Variants in STRBP observed in about 807,000 individuals in gnomAD.
The protein encoded by STRBP is spermatid perinuclear RNA binding protein, also known as spermatid perinuclear RNA-binding protein.
STRBP carries 13 observed loss-of-function variants against 80.1 expected under a neutral mutation model. The observed-to-expected ratio is 0.16, with a 90% CI of 0.11 to 0.26. STRBP has a LOEUF of 0.26. Among genes scored for constraint, STRBP ranks in the 10% least tolerant of loss-of-function variants. The pLI is 1.00. For missense variants in STRBP, 485 were observed against 815.2 expected, an observed-to-expected ratio of 0.59 and a Z score of 4.93; for synonymous variants, 284 against 291.2, an observed-to-expected ratio of 0.98 and a Z score of 0.25.
At chr9:123,228,048 G>A (rs2040294426) in intron 2 of STRBP, among the ~76,000 whole-genome samples, 1 of 152,194 alleles carries the variant, frequency 6.6e-6, no homozygotes, top group Admixed American at 6.5e-5. Flanking sequence ...ATTTTAAGGT[G>A]AGGTCAACGA....
chr9:123,193,742 C>T (rs2039003005), intron 2 of STRBP, among the ~76,000 whole-genome samples: 1 of 151,992 alleles, frequency 6.6e-6, no homozygotes, highest in South Asian at 2.1e-4. Context: ...TGTCCTTATC[C>T]AACCGAAATT....
chr9:123,179,283 A>G (rs916612408), intron 3 of STRBP, 56 bp from the exon 4 acceptor site: 1 of 1,460,634 alleles, frequency 6.8e-7, no homozygotes, highest in Non-Finnish European at 9.5e-7. Context: ...CACCTGAAAA[A>G]GATGATATAC....
At chr9:123,257,319 T>C (rs2041054402) in intron 1 of STRBP, among the ~76,000 whole-genome samples, 1 of 152,166 alleles carries the variant, frequency 6.6e-6, no homozygotes, top group Non-Finnish European at 1.5e-5. Context: ...ACACCCTCGC[T>C]GAAATCGCTC....
At chr9:123,111,675 C>G (rs1046055153) in intron 3 of STRBP, 8 of 464,604 alleles carry the variant, frequency 1.7e-5, no homozygotes, top group African/African-American at 1.6e-4. Flanking sequence ...CCTGGCACTG[C>G]AGCCAGGGAC....
chr9:123,181,020 A>C, intron 3 of STRBP: 1 of 721,434 alleles, frequency 1.4e-6, no homozygotes, highest in Non-Finnish European at 1.7e-6. Context: ...GTAAATTAAC[A>C]CTATAGTGTC....
At chr9:123,145,416 C>T (rs1197285674) in intron 13 of STRBP, among the ~76,000 whole-genome samples, 2 of 152,166 alleles carry the variant, frequency 1.3e-5, no homozygotes, top group Non-Finnish European at 2.9e-5. Flanking sequence ...CTAGCTCTCC[C>T]AAATTTTACT....
intron 2 of STRBP, among the ~76,000 whole-genome samples, chr9:123,214,109 A>C (rs976202961): frequency 6.7e-6 from 1 of 150,108 alleles, no homozygotes; most frequent in East Asian, 1.9e-4. Flanking sequence ...TCAATCAATG[A>C]GTGGATAAAG....
At chr9:123,195,503 C>G (rs184550907) in intron 2 of STRBP, among the ~76,000 whole-genome samples, 10 of 152,236 alleles carry the variant, frequency 6.6e-5, no homozygotes, top group African/African-American at 2.4e-4. Context: ...AGTAAAGTTG[C>G]AGGATACAAA....
intron 8 of STRBP, 53 bp downstream of exon 8, chr9:123,160,314 A>C: frequency 1.5e-6 from 2 of 1,339,654 alleles, no homozygotes; most frequent in Non-Finnish European, 2.1e-6. Context: ...TTTCTACAGG[A>C]TTTTCTCTGC....
chr9:123,238,732 C>T (rs1181359184), intron 1 of STRBP, among the ~76,000 whole-genome samples: 1 of 152,082 alleles, frequency 6.6e-6, no homozygotes, highest in African/African-American at 2.4e-5. Flanking sequence ...CAGAAATTTG[C>T]CCTGTCTTTC....
At chr9:123,138,527 C>T (rs1489212115) in intron 14 of STRBP, among the ~76,000 whole-genome samples, 1 of 152,216 alleles carries the variant, frequency 6.6e-6, no homozygotes, top group Non-Finnish European at 1.5e-5. Flanking sequence ...GCTTTCTCTT[C>T]CCCACACGGC....
chr9:123,141,973 C>G (rs771963897), intron 13 of STRBP, among the ~76,000 whole-genome samples: 1 of 152,134 alleles, frequency 6.6e-6, no homozygotes, highest in Non-Finnish European at 1.5e-5. Context: ...TCATCAAGGC[C>G]CCATCCTTTG....
rs10689260 is a variant in STRBP, at chr9:123,218,355, C to CTTTTT, written c.-165+18470_-165+18474dup. Among the ~76,000 whole-genome samples the CTTTTT allele has an allele frequency of 7.1e-3, 723 of 102,396 alleles. 40 individuals are homozygous for CTTTTT. The highest frequency in any genetic ancestry group is 0.028 in the African/African-American group (645 of 22,740). 67.2% of individuals were successfully genotyped at this position (102,396 alleles called of 152,430 possible). ...CAGCTTATTTATACATTAAATATGA[C>CTTTTT]TTTTTTTTTTTTTTTTTTTTTTTTT... On this transcript the variant is annotated intron_variant, in intron 2 of 18. Coordinates refer to ENST00000348403, the MANE Select transcript of STRBP (RefSeq NM_018387.5).
At chr9:123,266,115 T>G (rs1254146770) in intron 1 of STRBP, among the ~76,000 whole-genome samples, 1 of 152,198 alleles carries the variant, frequency 6.6e-6, no homozygotes, top group African/African-American at 2.4e-5. Context: ...CCTGGTCTCT[T>G]CCAGTTTCAC....
chr9:123,240,551 ATTCAGGT>A (rs1272954789), intron 1 of STRBP, among the ~76,000 whole-genome samples: 8 of 152,358 alleles, frequency 5.3e-5, no homozygotes, highest in Non-Finnish European at 1.0e-4. Flanking sequence ...ATATCACAAA[ATTCAGGT>A]TTCAGAGAAG....
chr9:123,189,153 T>C (rs1382004462), intron 2 of STRBP, among the ~76,000 whole-genome samples: 1 of 151,846 alleles, frequency 6.6e-6, no homozygotes, highest in East Asian at 1.9e-4. Flanking sequence ...GCTCATGTCC[T>C]TTGCAGGGAC....
chr9:123,128,302 C>G (rs1564214110), intron 17 of STRBP, 44 bp from the exon 18 acceptor site: 1 of 1,611,780 alleles, frequency 6.2e-7, no homozygotes, highest in Non-Finnish European at 8.5e-7. Context: ...AGACCCAGGG[C>G]AATCATCACT....
At chr9:123,114,153 C>G (rs1181285538) in intron 3 of STRBP, 1 of 167,124 alleles carries the variant, frequency 6.0e-6, no homozygotes, top group Non-Finnish European at 1.5e-5. Context: ...GTGTCCACAG[C>G]TGCCACCTGA....
At chr9:123,190,468 A>AC (rs1462397746) in intron 2 of STRBP, among the ~76,000 whole-genome samples, 1 of 14,576 alleles carries the variant, frequency 6.9e-5, no homozygotes, top group Non-Finnish European at 7.9e-4. Flanking sequence ...TTTTTCATGT[A>AC]AAAAAAAAAG....
Sources: allele counts gnomAD v4.1 joint callset (sites outside exome capture counted in the v4.1 genomes callset), GRCh38; gene constraint gnomAD v4.1.1; transcripts MANE v1.5; gene names NCBI Gene and HGNC (gene_info 2026-07-23, HGNC 2026-07-21).